The following PTPN5 variants were observed in gnomAD, a reference collection of about 807,000 sequenced individuals.
PTPN5 encodes the protein protein tyrosine phosphatase non-receptor type 5, also known as tyrosine-protein phosphatase non-receptor type 5.
PTPN5 carries 29 observed loss-of-function variants against 73.9 expected under a neutral mutation model. The ratio of observed to expected loss-of-function variants is 0.39; its 90% CI spans 0.29 to 0.54. PTPN5 has a LOEUF of 0.54. Among genes scored for constraint, PTPN5 ranks in the 20% least tolerant of loss-of-function variants. The pLI, the probability that PTPN5 is intolerant of heterozygous loss-of-function variation, is 0.65. For synonymous variants in PTPN5, 267 were observed against 304.7 expected (o/e 0.88, Z 1.29); for missense variants, 652 against 751.4 (o/e 0.87, Z 1.55).
chr11:18,735,463 G>C (rs1749625050), intron 9 of PTPN5, among the ~76,000 whole-genome samples: 1 of 152,150 alleles, frequency 6.6e-6, no homozygotes, highest in African/African-American at 2.4e-5. Context: ...GTAGGGAGTG[G>C]TGAGTGGTGA....
At chr11:18,782,799 G>T (rs1013412786) in intron 1 of PTPN5, among the ~76,000 whole-genome samples, 5 of 152,132 alleles carry the variant, frequency 3.3e-5, no homozygotes, top group Non-Finnish European at 7.3e-5. Context: ...GAGCATTTTT[G>T]GTTGTTATAA....
At chr11:18,777,055 G>C (rs572018512) in intron 1 of PTPN5, among the ~76,000 whole-genome samples, 23 of 152,300 alleles carry the variant, frequency 1.5e-4, no homozygotes, top group South Asian at 6.2e-4. Context: ...CAGCTACTTG[G>C]GAGGCTGAGG....
chr11:18,754,209 T>C (rs4757712), intron 3 of PTPN5, among the ~76,000 whole-genome samples: 100,962 of 151,962 alleles, frequency 0.66, 34,285 homozygotes, highest in Middle Eastern at 0.86. Context: ...GAGTTGGAAG[T>C]TGAGCCAAGG....
chr11:18,786,994 C>A (rs904443081), intron 1 of PTPN5, among the ~76,000 whole-genome samples: 1 of 152,016 alleles, frequency 6.6e-6, no homozygotes, highest in Non-Finnish European at 1.5e-5. Flanking sequence ...TGAAATGAAG[C>A]CAGAAGGATG....
At chr11:18,755,834 T>A (rs1346509961) in intron 3 of PTPN5, among the ~76,000 whole-genome samples, 1 of 151,958 alleles carries the variant, frequency 6.6e-6, no homozygotes, top group Non-Finnish European at 1.5e-5. Flanking sequence ...TGAAACCCTG[T>A]CTCTACTAAA....
rs534568844 is a variant in PTPN5, at chr11:18,748,599, G to A, written c.98-4400C>T. 5.6e-4 allele frequency among the ~76,000 whole-genome samples: 85 copies of A among 151,846 alleles called. 1 individual carries two copies. The South Asian group carries it at 9.0e-3, about 16-fold the overall frequency. On this transcript the variant is annotated intron_variant, in intron 3 of 14. Coordinates refer to ENST00000358540, the MANE Select transcript of PTPN5 (RefSeq NM_006906.2). ...ACTCTATATTCTGCACATAATTTTT[G>A]GGGAGATGCATGGACCTCAGGTTAA...
chr11:18,740,513 G>C, intron 8 of PTPN5, 90 bp downstream of exon 8: 2 of 1,204,558 alleles, frequency 1.7e-6, no homozygotes, highest in Non-Finnish European at 2.2e-6. Flanking sequence ...TGCAGATGCT[G>C]AGTTCCAGGC....
intron 1 of PTPN5, among the ~76,000 whole-genome samples, chr11:18,778,709 T>TGCCCTGCTTCCTGTACAGGCTG (rs1851283073): frequency 6.6e-6 from 1 of 152,204 alleles, no homozygotes; most frequent in Non-Finnish European, 1.5e-5. Flanking sequence ...CAGACACCAG[T>TGCCCTGCTTCCTGTACAGGCTG]GCCCTGCTTC....
rs750177783 is a variant in PTPN5 at position 18,742,943 on chromosome 11, C to CA, written c.483+48dup. ...TGGGAGCTGGTAGAAATCCAGGCCTCAAGGTCAGAGGAGGACAGCCTTGAG... is the reference window on the plus strand; with the variant it reads ...TGGGAGCTGGTAGAAATCCAGGCCTCAAAGGTCAGAGGAGGACAGCCTTGAG... On this transcript the variant is annotated intron_variant, in intron 6 of 14. Transcript: ENST00000358540. The surrounding 1 kb of genome is among the most constrained non-coding windows in gnomAD (Gnocchi z 4.1). 2.8e-5 allele frequency: 35 copies of CA among 1,266,180 alleles called. No individual in the cohort carries two copies. The highest frequency in any genetic ancestry group is 3.9e-5 in the Non-Finnish European group (35 of 887,620). 78.4% of individuals were successfully genotyped at this position (1,266,180 alleles called of 1,614,324 possible).
chr11:18,732,023 G>A (rs1464481571), intron 12 of PTPN5, among the ~76,000 whole-genome samples: 1 of 152,188 alleles, frequency 6.6e-6, no homozygotes, highest in African/African-American at 2.4e-5. Flanking sequence ...CAGGGTGGGA[G>A]GATACCTTCT....
At position 18,737,894 on chromosome 11, in the gene PTPN5, T is replaced by C. The variant is rs752820280; in HGVS notation, c.986A>G (p.Lys329Arg). 3 of 1,614,118 alleles carry C rather than the reference T, an allele frequency of 1.9e-6. No homozygotes were observed. Among genetic ancestry groups the C allele is most frequent in the South Asian group, 1.1e-5 (1 of 91,086 alleles). The change falls in exon 9 of 15, where the codon AAA becomes AGA. Residue 329 changes from lysine to arginine, a missense_variant. Coordinates refer to ENST00000358540, the MANE Select transcript of PTPN5 (RefSeq NM_006906.2). ...TGAGTACTCACTGGGAAGTATGGTT[T>C]TGTACCGGTTCTTCCGCACCAGCCC... ...IPGLVRKNRY[K>R]TILPNPHSRV... is the part of the protein sequence containing the mutation.
chr11:18,773,314 G>A (rs1286563271), intron 1 of PTPN5, among the ~76,000 whole-genome samples: 1 of 151,794 alleles, frequency 6.6e-6, no homozygotes, highest in African/African-American at 2.4e-5. Flanking sequence ...CTCTTTGTCA[G>A]GGAGGTGGGG....
At chr11:18,756,918 C>T (rs1217495210) in intron 3 of PTPN5, among the ~76,000 whole-genome samples, 2 of 109,100 alleles carry the variant, frequency 1.8e-5, no homozygotes, top group Non-Finnish European at 3.7e-5. Flanking sequence ...AGCAAGACTC[C>T]ATCAAAAAAA....
At chr11:18,760,247 GACCTCATCTGT>G (rs1222634551) in intron 3 of PTPN5, among the ~76,000 whole-genome samples, 2 of 152,218 alleles carry the variant, frequency 1.3e-5, no homozygotes, top group Non-Finnish European at 2.9e-5. Context: ...ACTGGTCCAA[GACCTCATCTGT>G]GGCATGGTAG....
chr11:18,775,812 A>G (rs1851121567), intron 1 of PTPN5, among the ~76,000 whole-genome samples: 6 of 152,130 alleles, frequency 3.9e-5, no homozygotes, highest in Admixed American at 3.9e-4. Context: ...TCAGGCTTCA[A>G]TTCCAGGCCT....
Position 18,729,746 on chromosome 11 carries a change from C to A in PTPN5, c.1402G>T (p.Ala468Ser). 1 of 1,606,944 alleles carries A rather than the reference C, an allele frequency of 6.2e-7. No individual in the cohort carries two copies. Among genetic ancestry groups the A allele is most frequent in the Non-Finnish European group, 8.5e-7 (1 of 1,174,910 alleles). Residue 468 changes from alanine to serine, a missense_variant, in exon 13 of 15, where the codon GCC becomes TCC. Physicochemically the swap from Ala to Ser is moderately conservative, Grantham distance 99. This residue lies in a region of PTPN5 where 102 missense variants were observed against 160.5 expected (regional missense o/e 0.64). Coordinates refer to ENST00000358540, the MANE Select transcript of PTPN5 (RefSeq NM_006906.2). The surrounding 1 kb of genome is among the most constrained non-coding windows in gnomAD (Gnocchi z 5.2). ...CGCACCAGGTGCAGGAGTGGGGGGG[C>A]CCGGTCTGGGGTCTTCTGGTCGGGC... is the stretch of plus-strand genomic sequence containing the variant. ...SWPDQKTPDR[A>S]PPLLHLVREV...
In PTPN5 at chr11:18,729,246, G is replaced by A. The variant is rs906501163; in HGVS notation, c.1604+207C>T. On this transcript the variant is annotated intron_variant, in intron 14 of 14. Coordinates refer to ENST00000358540, the MANE Select transcript of PTPN5 (RefSeq NM_006906.2). The surrounding 1 kb of genome is among the most constrained non-coding windows in gnomAD (Gnocchi z 5.2). ...CTCTGTCCTTTTATCCACCAGCTCT[G>A]CTTTTCTTCCCTCTTCATCTGGCCC... is the stretch of plus-strand genomic sequence containing the variant. 3.3e-5 allele frequency among the ~76,000 whole-genome samples: 5 copies of A among 151,810 alleles called. No homozygotes were observed. The highest frequency in any genetic ancestry group is 7.4e-5 in the Non-Finnish European group (5 of 67,974).
chr11:18,744,642 C>T (rs1849534805), intron 3 of PTPN5, among the ~76,000 whole-genome samples: 1 of 152,120 alleles, frequency 6.6e-6, no homozygotes, highest in Non-Finnish European at 1.5e-5. Flanking sequence ...GTGGGCCATG[C>T]CCTAACTGGG....
rs748044562 is a variant in PTPN5, at chr11:18,742,549, C to T, written c.484-46G>A. On this transcript the variant is annotated intron_variant, in intron 6 of 14. Coordinates refer to ENST00000358540, the MANE Select transcript of PTPN5 (RefSeq NM_006906.2). This position sits in a 1 kb window ranked among gnomAD's most constrained non-coding sequence, Gnocchi z 4.1. ...CACAGATTTCGGACCACGCTGGCTG[C>T]CCCCCGTGTTCCTGGAGTGCCCATG... 7 of 1,599,634 alleles carry T rather than the reference C, an allele frequency of 4.4e-6. No individual in the cohort carries two copies. The Admixed American group carries it at 6.7e-5, about 15-fold the overall frequency.
Sources: allele counts gnomAD v4.1 joint callset (sites outside exome capture counted in the v4.1 genomes callset), GRCh38; gene constraint gnomAD v4.1.1; regional missense constraint gnomAD v4.1.1; non-coding constraint Gnocchi (gnomAD v3.1); transcripts MANE v1.5; gene names NCBI Gene and HGNC (gene_info 2026-07-23, HGNC 2026-07-21).